Variants in ZFHX4 observed in about 807,000 individuals in gnomAD.
ZFHX4 encodes zinc finger homeobox 4.
A neutral mutation model predicts 267.6 loss-of-function variants in ZFHX4; 56 were observed. The observed-to-expected ratio is 0.21, with a 90% CI of 0.17 to 0.26. The LOEUF is 0.26. Among genes scored for constraint, ZFHX4 ranks in the 10% least tolerant of loss-of-function variants. ZFHX4 has a pLI of 1.00. For synonymous variants in ZFHX4, 1,778 were observed against 1,665.6 expected, an observed-to-expected ratio of 1.07 and a Z score of -1.64; for missense variants, 4,332 against 4,420.0, an observed-to-expected ratio of 0.98 and a Z score of 0.56.
chr8:76,705,444 C>T lies in ZFHX4; in HGVS notation c.1356C>T (p.Asn452=), dbSNP rs368840810. ...ENNCERPKES[N]VLHPNGECPV... ...ACTGTGAAAGGCCAAAAGAAAGCAA[C>T]GTTTTACACCCAAACGGGGAGTGCC... is the stretch of plus-strand genomic sequence containing the variant. The change falls in exon 2 of 11, where the codon AAC becomes AAT. Residue 452 remains asparagine, a synonymous_variant. Transcript: ENST00000651372. The T allele has an allele frequency of 1.2e-5, 20 of 1,613,580 alleles. No homozygotes were observed. Among genetic ancestry groups the T allele is most frequent in the African/African-American group, 1.3e-5 (1 of 74,920 alleles).
intron 4 of ZFHX4, among the ~76,000 whole-genome samples, chr8:76,819,028 G>C (rs1811576025): frequency 6.6e-6 from 1 of 152,070 alleles, no homozygotes; most frequent in East Asian, 1.9e-4. Context: ...AAACTTCACA[G>C]CCTGATTAGG....
chr8:76,738,227 A>G (rs1301718544), intron 3 of ZFHX4, among the ~76,000 whole-genome samples: 1 of 152,116 alleles, frequency 6.6e-6, no homozygotes, highest in East Asian at 1.9e-4. Flanking sequence ...CCTGAACCCT[A>G]GGTGCCCCCA....
chr8:76,849,166 A>AT (rs1254569864), intron 7 of ZFHX4, 38 bp downstream of exon 7: 91 of 1,516,672 alleles, frequency 6.0e-5, no homozygotes, highest in Non-Finnish European at 8.0e-5. Context: ...GTAAATCTTT[A>AT]TTTTTTATTG....
intron 3 of ZFHX4, among the ~76,000 whole-genome samples, chr8:76,735,458 T>C (rs1809134032): frequency 6.6e-6 from 1 of 152,148 alleles, no homozygotes; most frequent in Non-Finnish European, 1.5e-5. Context: ...AATATTTTTT[T>C]GATTAGGTAG....
chr8:76,795,792 G>A (rs1372724014), intron 4 of ZFHX4, among the ~76,000 whole-genome samples: 2 of 152,000 alleles, frequency 1.3e-5, no homozygotes, highest in Non-Finnish European at 2.9e-5. Flanking sequence ...CCGCCTCCAA[G>A]TCTTTACATG....
chr8:76,847,182 GT>G (rs2131928421), intron 6 of ZFHX4, among the ~76,000 whole-genome samples: 1 of 152,152 alleles, frequency 6.6e-6, no homozygotes, highest in African/African-American at 2.4e-5. Flanking sequence ...TTAAATGTTT[GT>G]TTTTTAACAC....
intron 5 of ZFHX4, among the ~76,000 whole-genome samples, chr8:76,842,185 T>TTGGGGTC (rs1236124873): frequency 7.3e-4 from 111 of 152,282 alleles, no homozygotes; most frequent in African/African-American, 2.6e-3. Context: ...AAGAATTCCT[T>TTGGGGTC]TGGGGTCTGG....
intron 4 of ZFHX4, among the ~76,000 whole-genome samples, chr8:76,804,548 A>G (rs1028054081): frequency 1.3e-5 from 2 of 152,130 alleles, no homozygotes; most frequent in African/African-American, 4.8e-5. Flanking sequence ...AGAGAAAAAT[A>G]CATATATATT....
At chr8:76,832,466 G>A (rs1811960955) in intron 4 of ZFHX4, among the ~76,000 whole-genome samples, 1 of 152,106 alleles carries the variant, frequency 6.6e-6, no homozygotes, top group South Asian at 2.1e-4. Flanking sequence ...TTTCTAAAAA[G>A]ATGACTCCTG....
At position 76,866,062 on chromosome 8, in the gene ZFHX4, A is replaced by G. The variant is rs1018071357; in HGVS notation, c.*1497A>G. 1 of 152,588 alleles carries G rather than the reference A, an allele frequency of 6.6e-6. No homozygotes were observed. The highest frequency in any genetic ancestry group is 1.5e-5 in the Non-Finnish European group (1 of 68,024). The allele number at this position is 152,588 out of a possible 1,614,324, so 9.5% of individuals were successfully genotyped here. The stretch of plus-strand genomic sequence containing the variant: ...ACTTAAAGAATGTGAAAGCTGTCAA[A>G]GGGTATTTTACGAATCACTTTTGTG... On this transcript the variant is annotated 3_prime_UTR_variant, in exon 11 of 11. Coordinates refer to ENST00000651372, the MANE Select transcript of ZFHX4 (RefSeq NM_024721.5).
At chr8:76,849,233 T>C in intron 7 of ZFHX4, 105 bp downstream of exon 7, 1 of 1,309,292 alleles carries the variant, frequency 7.6e-7, no homozygotes, top group Non-Finnish European at 1.0e-6. Flanking sequence ...TATGTAGACA[T>C]TGCAATTGGC....
At chr8:76,686,139 C>G (rs1465389482) in intron 1 of ZFHX4, among the ~76,000 whole-genome samples, 7 of 152,100 alleles carry the variant, frequency 4.6e-5, no homozygotes, top group Non-Finnish European at 7.3e-5. Context: ...CACAGCTGCA[C>G]GAATTTCATA....
chr8:76,763,147 C>G (rs1242403301), intron 3 of ZFHX4, among the ~76,000 whole-genome samples: 1 of 152,194 alleles, frequency 6.6e-6, no homozygotes, highest in Non-Finnish European at 1.5e-5. Context: ...CGTCCCATAA[C>G]AGGGCCTCAG....
At chr8:76,751,065 A>T (rs570314594) in intron 3 of ZFHX4, among the ~76,000 whole-genome samples, 1 of 152,244 alleles carries the variant, frequency 6.6e-6, no homozygotes, top group African/African-American at 2.4e-5. Flanking sequence ...TAGGAAGCTT[A>T]AATTTGGAAT....
At chr8:76,819,410 C>T (rs1013863557) in intron 4 of ZFHX4, among the ~76,000 whole-genome samples, 2 of 152,048 alleles carry the variant, frequency 1.3e-5, no homozygotes, top group African/African-American at 4.8e-5. Flanking sequence ...TTGGAACTTC[C>T]GTAATGGGAC....
chr8:76,712,286 C>T (rs1808445962), intron 3 of ZFHX4, among the ~76,000 whole-genome samples: 1 of 152,002 alleles, frequency 6.6e-6, no homozygotes, highest in African/African-American at 2.4e-5. Flanking sequence ...GAACTAAAAT[C>T]AAGGTGTTGG....
Position 76,853,359 on chromosome 8 carries a change from T to G in ZFHX4, c.6438T>G (p.Ala2146=). The change falls in exon 10 of 11, where the codon GCT becomes GCG. Residue 2146 remains alanine (A), a synonymous_variant. Transcript: ENST00000651372. The part of the protein sequence containing the change: ...ITDDQLKILR[A]YFDINNSPSE... The stretch of plus-strand genomic sequence containing the variant: ...ATGATCAGCTAAAAATCCTGAGGGC[T>G]TATTTTGACATTAATAATTCTCCAA... The G allele has an allele frequency of 6.2e-7, 1 of 1,613,820 alleles. No homozygotes were observed. The highest frequency in any genetic ancestry group is 8.5e-7 in the Non-Finnish European group (1 of 1,179,862).
intron 3 of ZFHX4, among the ~76,000 whole-genome samples, chr8:76,714,375 T>C (rs912438384): frequency 3.3e-5 from 5 of 152,224 alleles, no homozygotes; most frequent in African/African-American, 9.6e-5. Flanking sequence ...ACCGTGGTTC[T>C]GCTTCCAGAA....
At chr8:76,713,927 G>C (rs951346259) in intron 3 of ZFHX4, among the ~76,000 whole-genome samples, 3 of 151,074 alleles carry the variant, frequency 2.0e-5, no homozygotes, top group African/African-American at 7.3e-5. Context: ...CCACCGCCAC[G>C]TACCACCACC....
Sources: gnomAD v4.1 joint callset for allele counts (sites outside exome capture counted in the v4.1 genomes callset) on GRCh38, gnomAD v4.1.1 for gene constraint, MANE v1.5 for transcripts, NCBI Gene and HGNC (gene_info 2026-07-23, HGNC 2026-07-21) for gene names.